GRIP1: variants seen among roughly 807,000 people sequenced by gnomAD.
GRIP1 encodes the protein glutamate receptor-interacting protein 1.
In GRIP1, 45 loss-of-function variants were observed where a neutral mutation model predicts 129.9. The ratio of observed to expected loss-of-function variants is 0.35; its 90% CI spans 0.27 to 0.44. The LOEUF (loss-of-function observed/expected upper bound fraction) is 0.44. GRIP1 is among the 20% of genes least tolerant of loss of function. The pLI is 1.00. For synonymous variants in GRIP1, 530 were observed against 520.8 expected (o/e 1.02, Z -0.24); for missense variants, 1,196 against 1,396.8 (o/e 0.86, Z 2.29).
At chr12:66,596,091 C>T (rs550434890) in intron 2 of GRIP1, among the ~76,000 whole-genome samples, 78 of 152,256 alleles carry the variant, frequency 5.1e-4, no homozygotes, top group Admixed American at 1.6e-3. Flanking sequence ...TTTACATAAA[C>T]GTTTAAATGC....
In GRIP1 at chr12:66,474,586, G is replaced by A. The variant is rs191969814; in HGVS notation, c.725-9164C>T. 2.6e-3 allele frequency among the ~76,000 whole-genome samples: 396 copies of A among 152,196 alleles called. 2 individuals carry two copies. Among genetic ancestry groups the A allele is most frequent in the African/African-American group, 8.9e-3 (370 of 41,530 alleles). ...TTAAGGGCAGCCAGAGAGAAAGGTC[G>A]GGTTACCCACAAAGGGAAGCCCATC... is the stretch of plus-strand genomic sequence containing the variant. On this transcript the variant is annotated intron_variant, in intron 7 of 24. Coordinates refer to ENST00000359742, the MANE Select transcript of GRIP1 (RefSeq NM_001366722.1).
At chr12:66,522,377 C>T (rs1453481504) in intron 5 of GRIP1, among the ~76,000 whole-genome samples, 1 of 152,204 alleles carries the variant, frequency 6.6e-6, no homozygotes, top group African/African-American at 2.4e-5. Flanking sequence ...TGCTGTTCTA[C>T]AGCCACCGCT....
intron 1 of GRIP1, among the ~76,000 whole-genome samples, chr12:66,946,766 C>CG (rs1325489279): frequency 0.082 from 431 of 5,246 alleles, 10 homozygotes; most frequent in African/African-American, 0.23. Context: ...CAGCGGGGGT[C>CG]GGGGGGTGGG....
intron 3 of GRIP1, 55 bp from the exon 4 acceptor site, chr12:66,539,278 G>A (rs896214555): frequency 1.6e-5 from 26 of 1,610,352 alleles, no homozygotes; most frequent in Admixed American, 5.0e-5. Context: ...AGGCCAGTCT[G>A]ACTATATTTC....
chr12:66,997,153 C>T (rs902578792), intron 1 of GRIP1, among the ~76,000 whole-genome samples: 2 of 152,136 alleles, frequency 1.3e-5, no homozygotes, highest in African/African-American at 2.4e-5. Context: ...GTAAGAGTGA[C>T]ATTTCTCTAA....
At chr12:67,002,264 T>C (rs576805814) in intron 1 of GRIP1, among the ~76,000 whole-genome samples, 26 of 152,334 alleles carry the variant, frequency 1.7e-4, no homozygotes, top group African/African-American at 4.1e-4. Context: ...TTGTGAATTA[T>C]ACAATCTGTC....
At chr12:66,440,039 C>A (rs1205688994) in intron 13 of GRIP1, among the ~76,000 whole-genome samples, 1 of 152,196 alleles carries the variant, frequency 6.6e-6, no homozygotes, top group Non-Finnish European at 1.5e-5. Flanking sequence ...TATTCTAAAT[C>A]TTCATTCTTT....
intron 23 of GRIP1, among the ~76,000 whole-genome samples, chr12:66,359,972 G>T (rs959736107): frequency 6.6e-6 from 1 of 152,140 alleles, no homozygotes; most frequent in Non-Finnish European, 1.5e-5. Flanking sequence ...CCCTGGAAAT[G>T]AATCTTTTAT....
intron 2 of GRIP1, among the ~76,000 whole-genome samples, chr12:66,555,079 C>T (rs1337103218): frequency 1.3e-5 from 2 of 152,154 alleles, no homozygotes; most frequent in African/African-American, 4.8e-5. Context: ...GTAGTGGTTA[C>T]AGCAGGCCTT....
chr12:66,916,350 G>T (rs1191034622), intron 1 of GRIP1, among the ~76,000 whole-genome samples: 7 of 152,144 alleles, frequency 4.6e-5, no homozygotes, highest in Admixed American at 4.6e-4. Context: ...TGGAGAATTT[G>T]AGAGAAGAAC....
chr12:66,373,769 C>T (rs931569921), intron 22 of GRIP1, among the ~76,000 whole-genome samples: 1 of 152,220 alleles, frequency 6.6e-6, no homozygotes, highest in African/African-American at 2.4e-5. Flanking sequence ...TGAACATTAA[C>T]ATGTGCTAAG....
chr12:66,552,450 T>G (rs915182667), intron 2 of GRIP1, among the ~76,000 whole-genome samples: 1 of 152,184 alleles, frequency 6.6e-6, no homozygotes, highest in African/African-American at 2.4e-5. Context: ...TTCACTAACT[T>G]AGCCTTCAGA....
At chr12:66,526,266 T>TGACTTCAAACTATAC (rs1307105896) in intron 5 of GRIP1, among the ~76,000 whole-genome samples, 1 of 151,842 alleles carries the variant, frequency 6.6e-6, no homozygotes, top group African/African-American at 2.4e-5. Flanking sequence ...TCAAGCTACC[T>TGACTTCAAACTATAC]GACTTCAAAC....
rs148276245 is a variant in GRIP1, at chr12:66,585,990, A to G, written c.136+10857T>C. Among the ~76,000 whole-genome samples the G allele has an allele frequency of 1.8e-3, 281 of 152,208 alleles. 1 individual carries two copies. Among genetic ancestry groups the G allele is most frequent in the African/African-American group, 6.0e-3 (250 of 41,524 alleles). On this transcript the variant is annotated intron_variant, in intron 2 of 24. Transcript: ENST00000359742. Reference sequence around the variant, plus strand: ...CTGCACGATTTTCTCTCATTCCACTATATCATCCGCATCAGCACACGAACA... The same window carrying G: ...CTGCACGATTTTCTCTCATTCCACTGTATCATCCGCATCAGCACACGAACA...
At chr12:66,778,871 C>T (rs1224610859) in intron 1 of GRIP1, among the ~76,000 whole-genome samples, 1 of 152,136 alleles carries the variant, frequency 6.6e-6, no homozygotes, top group African/African-American at 2.4e-5. Flanking sequence ...CTTGTACCAA[C>T]ACTGTCCAGA....
intron 1 of GRIP1, among the ~76,000 whole-genome samples, chr12:66,810,572 G>A (rs2039083972): frequency 7.2e-6 from 1 of 138,640 alleles, no homozygotes; most frequent in South Asian, 2.4e-4. Context: ...AAAAAAAAGA[G>A]TTTTTACTGA....
At chr12:66,413,631 G>A (rs1450677321) in intron 15 of GRIP1, among the ~76,000 whole-genome samples, 1 of 152,132 alleles carries the variant, frequency 6.6e-6, no homozygotes, top group Non-Finnish European at 1.5e-5. Flanking sequence ...AAACCTGGGA[G>A]AGATATACAA....
intron 1 of GRIP1, among the ~76,000 whole-genome samples, chr12:66,971,277 A>T (rs945836145): frequency 1.3e-5 from 2 of 152,168 alleles, no homozygotes; most frequent in Non-Finnish European, 2.9e-5. Flanking sequence ...AGGAAAACTT[A>T]CCAAGTTTTA....
In GRIP1 at chr12:66,517,991, G is replaced by T. The variant is rs11838180; in HGVS notation, c.503-15C>A. On this transcript the variant is annotated splice_polypyrimidine_tract_variant and intron_variant, in intron 5 of 24. Transcript: ENST00000359742. ...ATGTGCTCCCCCTAGCAAAGAAAAGGAACAGAGCTTAAAACTGCTTTCATT... is the reference window on the plus strand; with the variant it reads ...ATGTGCTCCCCCTAGCAAAGAAAAGTAACAGAGCTTAAAACTGCTTTCATT... 376,436 of 1,454,456 alleles carry T rather than the reference G, an allele frequency of 0.26. 50,228 individuals carry two copies. Among genetic ancestry groups the T allele is most frequent in the African/African-American group, 0.31 (22,278 of 71,850 alleles). 90.1% of individuals were successfully genotyped at this position (1,454,456 alleles called of 1,614,324 possible). A position where few individuals can be genotyped will look rare whatever the true frequency, so the allele number is the denominator to read the frequency against.
Sources: gnomAD v4.1 joint callset for allele counts (sites outside exome capture counted in the v4.1 genomes callset) on GRCh38, gnomAD v4.1.1 for gene constraint, MANE v1.5 for transcripts, NCBI Gene and HGNC (gene_info 2026-07-23, HGNC 2026-07-21) for gene names.